Variants in SMG1 observed in about 807,000 individuals in gnomAD.
The protein encoded by SMG1 is SMG1 nonsense mediated mRNA decay associated PI3K related kinase.
A neutral mutation model predicts 419.9 loss-of-function variants in SMG1; 22 were observed. That is an observed-to-expected ratio of 0.05 (90% CI 0.04 to 0.07). SMG1 has a LOEUF of 0.07. SMG1 is among the 10% of genes least tolerant of loss of function. SMG1 has a pLI of 1.00. For missense variants in SMG1, 3,185 were observed against 4,342.0 expected, an observed-to-expected ratio of 0.73 and a Z score of 7.49; for synonymous variants, 1,538 against 1,553.5, an observed-to-expected ratio of 0.99 and a Z score of 0.23.
chr16:18,812,062 T>A lies in SMG1; in HGVS notation c.10687A>T (p.Ile3563Phe). The A allele has an allele frequency of 6.2e-7, 1 of 1,613,956 alleles. No individual in the cohort carries two copies. The highest frequency in any genetic ancestry group is 2.2e-5 in the East Asian group (1 of 44,888). ...GCTGATGTAGCAAGATTTTTTTGGATCAGCTTTCTAGCATTCTGTGACATG... is the reference window on the plus strand; with the variant it reads ...GCTGATGTAGCAAGATTTTTTTGGAACAGCTTTCTAGCATTCTGTGACATG... ...DVMSQNARKLIQKNLATSADT... is the reference protein window; with the variant it reads ...DVMSQNARKLFQKNLATSADT... Residue 3563 changes from isoleucine (I) to phenylalanine (F), a missense_variant, in exon 61 of 63, where the codon ATC becomes TTC. By Grantham distance (21) the Ile-to-Phe change is conservative. Around this residue, in one of 27 missense-constraint regions of SMG1, gnomAD observed 737 missense variants for 846.6 expected, o/e 0.87. Transcript: ENST00000446231.
intron 1 of SMG1, among the ~76,000 whole-genome samples, chr16:18,897,768 T>C (rs2037191245): frequency 1.3e-5 from 2 of 152,262 alleles, no homozygotes; most frequent in Middle Eastern, 3.4e-3. Flanking sequence ...AGACTTCTCA[T>C]GAGTGTTACT....
In SMG1 at chr16:18,868,306, G is replaced by C; in HGVS notation, c.3079C>G (p.Leu1027Val). 6.8e-7 allele frequency: 1 copy of C among 1,480,500 alleles called. No individual in the cohort carries two copies. Among genetic ancestry groups the C allele is most frequent in the Non-Finnish European group, 9.1e-7 (1 of 1,095,610 alleles). 91.7% of individuals were successfully genotyped at this position (1,480,500 alleles called of 1,614,324 possible). ...ATGATGGAGAGTCGAATCCGCGTTAGCCAGTCCTGACAAGTTTGGCGATTG... is the reference window on the plus strand; with the variant it reads ...ATGATGGAGAGTCGAATCCGCGTTACCCAGTCCTGACAAGTTTGGCGATTG... ...YTNRQTCQDW[L>V]TRIRLSIMRV... The change falls in exon 22 of 63, where the codon CTA becomes GTA. Residue 1027 changes from leucine (L) to valine (V), a missense_variant. By Grantham distance (32) the Leu-to-Val change is conservative (BLOSUM62 1). Around this residue, in one of 27 missense-constraint regions of SMG1, gnomAD observed 70 missense variants for 185.7 expected, o/e 0.38. Coordinates refer to ENST00000446231, the MANE Select transcript of SMG1 (RefSeq NM_015092.5).
At chr16:18,882,048 A>C in intron 10 of SMG1, 117 bp downstream of exon 10, 1 of 659,410 alleles carries the variant, frequency 1.5e-6, no homozygotes. Flanking sequence ...ATATACATAC[A>C]TACATACATG....
intron 5 of SMG1, among the ~76,000 whole-genome samples, 156 bp from the exon 6 acceptor site, chr16:18,889,741 C>G (rs979643462): frequency 6.6e-6 from 1 of 152,128 alleles, no homozygotes; most frequent in Non-Finnish European, 1.5e-5. Flanking sequence ...ACTCTAAATA[C>G]TACAGTCTGT....
chr16:18,901,059 T>C (rs1215313232), intron 1 of SMG1, among the ~76,000 whole-genome samples: 2 of 147,800 alleles, frequency 1.4e-5, no homozygotes, highest in African/African-American at 5.1e-5. Context: ...CAGAGAACTT[T>C]AAGTTCAAAT....
At chr16:18,899,461 A>G (rs1044446195) in intron 1 of SMG1, among the ~76,000 whole-genome samples, 7 of 152,172 alleles carry the variant, frequency 4.6e-5, no homozygotes, top group African/African-American at 1.7e-4. Flanking sequence ...CAAATTGATC[A>G]AAGCATCCCC....
At chr16:18,918,111 T>C (rs2038048474) in intron 1 of SMG1, among the ~76,000 whole-genome samples, 1 of 151,688 alleles carries the variant, frequency 6.6e-6, no homozygotes, top group African/African-American at 2.4e-5. Context: ...ATACAAAAGA[T>C]TAGCCGGGTG....
At chr16:18,844,008 T>TACAC (rs71141072) in intron 39 of SMG1, among the ~76,000 whole-genome samples, 183 of 150,828 alleles carry the variant, frequency 1.2e-3, no homozygotes, top group South Asian at 2.9e-3. Flanking sequence ...TCTATGATTA[T>TACAC]ACACACACAC....
chr16:18,879,108 A>G, intron 11 of SMG1: 1 of 291,560 alleles, frequency 3.4e-6, no homozygotes, highest in South Asian at 3.5e-5. Flanking sequence ...ATAATAAAGC[A>G]AAGCCCTTAT....
intron 22 of SMG1, 77 bp from the exon 23 acceptor site, chr16:18,866,852 T>C: frequency 2.5e-6 from 3 of 1,207,376 alleles, no homozygotes; most frequent in Non-Finnish European, 3.6e-6. Context: ...AACTGATCAG[T>C]CTGTGCCTGC....
In SMG1 at chr16:18,885,082, A is replaced by G. The variant is rs2036560432; in HGVS notation, c.1021+8T>C. The G allele has an allele frequency of 1.4e-6, 1 of 704,116 alleles. No homozygotes were observed. Among genetic ancestry groups the G allele is most frequent in the African/African-American group, 1.8e-5 (1 of 55,476 alleles). The allele number at this position is 704,116 out of a possible 1,614,324, so 43.6% of individuals were successfully genotyped here. A position where few individuals can be genotyped will look rare whatever the true frequency, so the allele number is the denominator to read the frequency against. On this transcript the variant is annotated splice_region_variant and intron_variant, in intron 8 of 62. Transcript: ENST00000446231. ...ATTTAAATAACTGGTATAGGCTGCA[A>G]GACTTACCAGATACCTGCTGCGTGA...
Position 18,836,467 on chromosome 16 carries a change from A to G in SMG1, c.7670T>C (p.Leu2557Pro), listed in dbSNP as rs1188812384. ...TGTTATCCATTGTTCAAATTCATTC[A>G]GCTTCACCTGGATTGCTTCCTGAAC... ...RAVQEAIQVK[L>P]NEFEQWITHY... The change falls in exon 47 of 63, where the codon CTG (leucine) becomes CCG (proline). Residue 2557 changes from leucine (L) to proline (P), a missense_variant. By Grantham distance (98) the Leu-to-Pro change is moderately conservative (BLOSUM62 -3). Around this residue, in one of 27 missense-constraint regions of SMG1, gnomAD observed 412 missense variants for 546.6 expected, o/e 0.75. Coordinates refer to ENST00000446231, the MANE Select transcript of SMG1 (RefSeq NM_015092.5). The G allele has an allele frequency of 6.2e-7, 1 of 1,614,060 alleles. No homozygotes were observed.
chr16:18,900,925 G>A (rs2037319718), intron 1 of SMG1, among the ~76,000 whole-genome samples: 1 of 152,080 alleles, frequency 6.6e-6, no homozygotes. Flanking sequence ...TAAGAGAAAG[G>A]GTGAAACTAT....
intron 25 of SMG1, chr16:18,861,601 T>C (rs1034407347): frequency 6.6e-6 from 1 of 152,278 alleles, no homozygotes; most frequent in African/African-American, 2.4e-5. Flanking sequence ...TGATTCTACC[T>C]AGATCCGTGC....
intron 25 of SMG1, among the ~76,000 whole-genome samples, chr16:18,862,519 A>C (rs2035267399): frequency 6.6e-6 from 1 of 152,106 alleles, no homozygotes; most frequent in Admixed American, 6.5e-5. Flanking sequence ...CAACAATCTC[A>C]TCTGCACATT....
At chr16:18,856,631 C>T (rs2034927778) in intron 29 of SMG1, 1 of 152,202 alleles carries the variant, frequency 6.6e-6, no homozygotes, top group Non-Finnish European at 1.5e-5. Flanking sequence ...AGCCACCGCG[C>T]CCAGCCCACA....
At chr16:18,884,283 C>T in intron 8 of SMG1, 116 bp from the exon 9 acceptor site, 1 of 518,026 alleles carries the variant, frequency 1.9e-6, no homozygotes, top group South Asian at 3.4e-5. Context: ...AAGCAGCATA[C>T]CCTAAAACAT....
rs1295007907 is a variant in SMG1 at position 18,912,431 on chromosome 16, ATAC to A, written c.92+13516_92+13518del. Among the ~76,000 whole-genome samples, 8 of 152,202 alleles carry A rather than the reference ATAC, an allele frequency of 5.3e-5. No homozygotes were observed. The South Asian group carries it at 6.2e-4, about 12-fold the overall frequency. On this transcript the variant is annotated intron_variant, in intron 1 of 62. Coordinates refer to ENST00000446231, the MANE Select transcript of SMG1 (RefSeq NM_015092.5). ...GTATGTTAATTAGCATGATTTAATC[ATAC>A]TACATTACACACATATATATAAACA...
intron 1 of SMG1, among the ~76,000 whole-genome samples, chr16:18,911,194 T>C (rs2141963795): frequency 6.6e-6 from 1 of 152,308 alleles, no homozygotes; most frequent in Middle Eastern, 3.4e-3. Flanking sequence ...TACAGCCTAA[T>C]GGGAGTACAC....
Sources: gnomAD v4.1 joint callset for allele counts (sites outside exome capture counted in the v4.1 genomes callset) on GRCh38, gnomAD v4.1.1 for gene constraint, gnomAD v4.1.1 regional missense constraint, MANE v1.5 for transcripts, NCBI Gene and HGNC (gene_info 2026-07-23, HGNC 2026-07-21) for gene names.